Variants in PIMREG observed in about 807,000 individuals in gnomAD.
PIMREG encodes the protein PICALM interacting mitotic regulator.
Under a neutral mutation model 24.3 loss-of-function variants are expected in PIMREG, and 19 were observed. That is an observed-to-expected ratio of 0.78 (90% CI 0.54 to 1.15). The LOEUF (loss-of-function observed/expected upper bound fraction) is 1.15, where lower values mean the gene tolerates loss of function less well. Ranked by LOEUF, PIMREG falls within the 50% of genes most tolerant of loss-of-function variation. The probability of loss-of-function intolerance (pLI) is 0.00; values close to 1 mark genes in which losing one functional copy is unlikely to be tolerated. For synonymous variants in PIMREG, 112 were observed against 124.1 expected, an observed-to-expected ratio of 0.90 and a Z score of 0.65; for missense variants, 283 against 306.8, an observed-to-expected ratio of 0.92 and a Z score of 0.58.
intron 2 of PIMREG, among the ~76,000 whole-genome samples, chr17:6,447,175 G>A (rs978615085): frequency 5.9e-5 from 9 of 151,940 alleles, no homozygotes; most frequent in Admixed American, 3.3e-4. Context: ...GCCATGGTGC[G>A]ATCTCGGCTC....
In PIMREG at chr17:6,445,193, A is replaced by G; in HGVS notation, c.83A>G (p.Glu28Gly). The G allele has an allele frequency of 1.2e-6, 2 of 1,613,564 alleles. No homozygotes were observed. Among genetic ancestry groups the G allele is most frequent in the Non-Finnish European group, 8.5e-7 (1 of 1,179,878 alleles). Residue 28 changes from glutamate (E) to glycine (G), a missense_variant, in exon 2 of 6, where the codon GAG becomes GGG. By Grantham distance (98) the Glu-to-Gly change is moderately conservative. Transcript: ENST00000572447. ...CAGGAGCAGCTGGAGGACAGCAAGGAGCTGCAGCCTGTGGTCAGCCATCAG... is the reference window on the plus strand; with the variant it reads ...CAGGAGCAGCTGGAGGACAGCAAGGGGCTGCAGCCTGTGGTCAGCCATCAG... ...QHQEQLEDSK[E>G]LQPVVSHQET...
chr17:6,445,905 A>C (rs1913552551), intron 2 of PIMREG, among the ~76,000 whole-genome samples: 1 of 152,206 alleles, frequency 6.6e-6, no homozygotes, highest in Non-Finnish European at 1.5e-5. Context: ...GACAGAGAGC[A>C]AGGTAGAGCA....
Position 6,447,113 on chromosome 17 carries a change from GTTGT to G in PIMREG, c.295-339_295-336del, listed in dbSNP as rs1170051580. ...CTCACCCTTGGTTTTTTTTTTTGTT[GTTGT>G]TTGTTTGTTTTCGAGACAGGGTCTC... On this transcript the variant is annotated intron_variant, in intron 2 of 5. Coordinates refer to ENST00000572447, the MANE Select transcript of PIMREG (RefSeq NM_019013.3). Among the ~76,000 whole-genome samples the G allele has an allele frequency of 1.3e-3, 195 of 146,474 alleles. 1 individual carries two copies. Among genetic ancestry groups the G allele is most frequent in the African/African-American group, 4.2e-3 (167 of 39,434 alleles).
intron 1 of PIMREG, 40 bp from the exon 2 acceptor site, chr17:6,445,036 G>T: frequency 7.0e-7 from 1 of 1,434,174 alleles, no homozygotes. Flanking sequence ...AATGGGTATG[G>T]GGAATGCCTT....
chr17:6,449,687 A>T, intron 4 of PIMREG: 2 of 1,377,858 alleles, frequency 1.5e-6, no homozygotes, highest in Non-Finnish European at 1.9e-6. Context: ...TTCCTGAAAA[A>T]CCTGCCCTTC....
In PIMREG at chr17:6,447,698, C is replaced by G; in HGVS notation, c.530C>G (p.Ser177Ter). Reference protein sequence around the residue: ...MGSHAHPLRRSRREAAFRSPY... With the variant: ...MGSHAHPLRR ...TCACATGCCCACCCATTACGGCGATCAAGGCGGGAGGCTGCCTTCCGGAGC... is the reference window on the plus strand; with the variant it reads ...TCACATGCCCACCCATTACGGCGATGAAGGCGGGAGGCTGCCTTCCGGAGC... Residue 177 changes from serine (S) to a stop codon, truncating the protein, a stop_gained, in exon 3 of 6, where the codon TCA (serine) becomes TGA (stop). Transcript: ENST00000572447. LOFTEE classifies it high-confidence loss of function. 1 of 1,614,156 alleles carries G rather than the reference C, an allele frequency of 6.2e-7. No individual in the cohort carries two copies. The highest frequency in any genetic ancestry group is 8.5e-7 in the Non-Finnish European group (1 of 1,180,016).
At position 6,444,689 on chromosome 17, in the gene PIMREG, G is replaced by T. The variant is rs1378824207; in HGVS notation, c.-36+201G>T. ...AGTCGGATCGAAATCGGGGCGTCTG[G>T]TGGGAAGGCCGGGGTCTGGGCGGGT... On this transcript the variant is annotated intron_variant, in intron 1 of 5. Transcript: ENST00000572447. This position sits in a 1 kb window ranked among gnomAD's most constrained non-coding sequence, Gnocchi z 4.3. 6.6e-6 allele frequency among the ~76,000 whole-genome samples: 1 copy of T among 152,100 alleles called. No individual in the cohort carries two copies. The highest frequency in any genetic ancestry group is 1.5e-5 in the Non-Finnish European group (1 of 68,008).
At chr17:6,450,277 C>A in intron 5 of PIMREG, 85 bp from the exon 6 acceptor site, 1 of 1,318,818 alleles carries the variant, frequency 7.6e-7, no homozygotes, top group Non-Finnish European at 1.0e-6. Context: ...CACCTTCCAG[C>A]ACCCCCCACC....
rs1237221078 is a variant in PIMREG at position 6,450,080 on chromosome 17, C to G, written c.*14+8C>G. On this transcript the variant is annotated splice_region_variant and intron_variant, in intron 5 of 5. Transcript: ENST00000572447. Reference sequence around the variant, plus strand: ...CTGAGGAAGTGCCTGCAGGTAATGCCCACCTCCCAAGAGTCTTTCTCACTG... The same window carrying G: ...CTGAGGAAGTGCCTGCAGGTAATGCGCACCTCCCAAGAGTCTTTCTCACTG... The G allele has an allele frequency of 6.2e-7, 1 of 1,613,364 alleles. No individual in the cohort carries two copies. The highest frequency in any genetic ancestry group is 1.1e-5 in the South Asian group (1 of 91,060).
chr17:6,447,293 T>G, intron 2 of PIMREG, 170 bp from the exon 3 acceptor site: 1 of 705,158 alleles, frequency 1.4e-6, no homozygotes, highest in Non-Finnish European at 2.3e-6. Context: ...TTTTTGCATT[T>G]TTAGTAGAAA....
intron 4 of PIMREG, 181 bp downstream of exon 4, chr17:6,449,588 A>T: frequency 9.4e-7 from 1 of 1,058,262 alleles, no homozygotes; most frequent in East Asian, 2.7e-5. Flanking sequence ...GACTGGGGTG[A>T]TGGTAAAGGA....
At chr17:6,446,908 G>A (rs541763486) in intron 2 of PIMREG, among the ~76,000 whole-genome samples, 134 of 152,278 alleles carry the variant, frequency 8.8e-4, no homozygotes, top group African/African-American at 3.1e-3. Context: ...AGGCACCAGG[G>A]GGGTCCTCCT....
chr17:6,450,043 T>C lies in PIMREG; in HGVS notation c.702T>C (p.Ser234=). 6.2e-7 allele frequency: 1 copy of C among 1,614,206 alleles called. No homozygotes were observed. Among genetic ancestry groups the C allele is most frequent in the Non-Finnish European group, 8.5e-7 (1 of 1,180,030 alleles). The change falls in exon 5 of 6, where the codon TCT becomes TCC. Residue 234 remains serine (S), a synonymous_variant. Transcript: ENST00000572447. ...TTCTCTCTAGTGGTGACATCGTCTCTCTCATTCATGACTGAGGAAGTGCCT... is the reference window on the plus strand; with the variant it reads ...TTCTCTCTAGTGGTGACATCGTCTCCCTCATTCATGACTGAGGAAGTGCCT... ...IMAEESGDIV[S]LIHD is the part of the protein sequence containing the mutation.
intron 2 of PIMREG, chr17:6,446,297 A>G (rs1033694590): frequency 2.5e-6 from 1 of 398,172 alleles, no homozygotes; most frequent in Non-Finnish European, 4.4e-6. Context: ...ACCTCCAGGG[A>G]GAGGATTGGG....
rs1913501070 is a variant in PIMREG, at chr17:6,444,573, G to C, written c.-36+85G>C. ...GATCTGGACTCAAAACAATTTTTTT[G>C]TTCGGAGGGGAGGGCATCAGGTTCT... On this transcript the variant is annotated intron_variant, in intron 1 of 5. Coordinates refer to ENST00000572447, the MANE Select transcript of PIMREG (RefSeq NM_019013.3). The surrounding 1 kb of genome is among the most constrained non-coding windows in gnomAD (Gnocchi z 4.3). The C allele has an allele frequency of 1.3e-5, 2 of 153,816 alleles. No homozygotes were observed. The highest frequency in any genetic ancestry group is 2.9e-5 in the Non-Finnish European group (2 of 69,222). 9.5% of individuals were successfully genotyped at this position (153,816 alleles called of 1,614,324 possible).
Position 6,444,878 on chromosome 17 carries a change from G to A in PIMREG, c.-35-198G>A, listed in dbSNP as rs1254786955. On this transcript the variant is annotated intron_variant, in intron 1 of 5. Coordinates refer to ENST00000572447, the MANE Select transcript of PIMREG (RefSeq NM_019013.3). The surrounding 1 kb of genome is among the most constrained non-coding windows in gnomAD (Gnocchi z 4.3). ...AGACAGCTGTTTTGGAAACTTGAAG[G>A]GCGGGACATCAGAAATGCTGCTGAC... Among the ~76,000 whole-genome samples the A allele has an allele frequency of 6.6e-6, 1 of 152,084 alleles. No homozygotes were observed. Among genetic ancestry groups the A allele is most frequent in the Non-Finnish European group, 1.5e-5 (1 of 68,024 alleles).
Position 6,447,544 on chromosome 17 carries a change from CAGA to C in PIMREG, c.379_381del (p.Lys127del). The C allele has an allele frequency of 6.2e-7, 1 of 1,614,186 alleles. No individual in the cohort carries two copies. Among genetic ancestry groups the C allele is most frequent in the Non-Finnish European group, 8.5e-7 (1 of 1,180,042 alleles). On this transcript the variant is annotated inframe_deletion, in exon 3 of 6. Coordinates refer to ENST00000572447, the MANE Select transcript of PIMREG (RefSeq NM_019013.3). ...GGCCAGGAGGCGGAAGAGAGGAGCA[CAGA>C]AGGGCAGTGGATCCCCAACTCACAG...
chr17:6,447,035 C>T (rs1261131046), intron 2 of PIMREG, among the ~76,000 whole-genome samples: 3 of 152,142 alleles, frequency 2.0e-5, no homozygotes, highest in African/African-American at 7.2e-5. Context: ...CCTGTATTTA[C>T]AGGACACTTG....
At chr17:6,448,282 CAAAAAAAAAA>C (rs71154695) in intron 3 of PIMREG, among the ~76,000 whole-genome samples, 1 of 41,292 alleles carries the variant, frequency 2.4e-5, no homozygotes, top group Admixed American at 4.0e-4. Flanking sequence ...GACCCTGTCT[CAAAAAAAAAA>C]AAAAAAAAAA....
Sources: gnomAD v4.1 joint callset for allele counts (sites outside exome capture counted in the v4.1 genomes callset) on GRCh38, gnomAD v4.1.1 for gene constraint, Gnocchi (gnomAD v3.1) non-coding constraint, MANE v1.5 for transcripts, NCBI Gene and HGNC (gene_info 2026-07-23, HGNC 2026-07-21) for gene names.